PPP3CA: variants seen among roughly 807,000 people sequenced by gnomAD.
PPP3CA encodes CAM-PRP catalytic subunit.
PPP3CA carries 14 observed loss-of-function variants against 66.5 expected under a neutral mutation model. The ratio of observed to expected loss-of-function variants is 0.21; its 90% CI spans 0.14 to 0.33. The LOEUF (loss-of-function observed/expected upper bound fraction) is 0.33. Ranked by LOEUF, PPP3CA falls within the 10% of genes least tolerant of loss-of-function variation. The pLI, the probability that PPP3CA is intolerant of heterozygous loss-of-function variation, is 1.00. For missense variants in PPP3CA, 317 were observed against 639.5 expected (o/e 0.50, Z 5.44); for synonymous variants, 232 against 226.2 (o/e 1.03, Z -0.23).
intron 8 of PPP3CA, among the ~76,000 whole-genome samples, chr4:101,072,795 G>T (rs1395583750): frequency 3.3e-5 from 5 of 151,588 alleles, no homozygotes; most frequent in African/African-American, 7.3e-5. Flanking sequence ...AATTAGCCAG[G>T]CGTGGTGGTG....
chr4:101,144,887 G>C (rs1472228222), intron 2 of PPP3CA, among the ~76,000 whole-genome samples: 1 of 152,100 alleles, frequency 6.6e-6, no homozygotes, highest in Non-Finnish European at 1.5e-5. Context: ...GCTTTAGGCA[G>C]TGCTTTTGTA....
chr4:101,038,016 C>A (rs924855352), intron 11 of PPP3CA, among the ~76,000 whole-genome samples: 1 of 152,232 alleles, frequency 6.6e-6, no homozygotes, highest in Non-Finnish European at 1.5e-5. Flanking sequence ...TAGCCTCTCT[C>A]AGATTCAATT....
chr4:101,255,180 TC>T (rs933375132), intron 1 of PPP3CA, among the ~76,000 whole-genome samples: 1 of 151,728 alleles, frequency 6.6e-6, no homozygotes, highest in Non-Finnish European at 1.5e-5. Flanking sequence ...AGAAAGCCTA[TC>T]CCTTGTGACT....
chr4:101,161,563 A>G (rs1723508616), intron 2 of PPP3CA, among the ~76,000 whole-genome samples: 4 of 152,156 alleles, frequency 2.6e-5, no homozygotes, highest in Admixed American at 2.6e-4. Flanking sequence ...TTAGCTCTAG[A>G]AGACTGGCAG....
At chr4:101,180,469 C>T (rs1724199646) in intron 2 of PPP3CA, among the ~76,000 whole-genome samples, 1 of 152,152 alleles carries the variant, frequency 6.6e-6, no homozygotes, top group Non-Finnish European at 1.5e-5. Context: ...TGTGAATCCA[C>T]ATTTAACCTA....
chr4:101,346,564 CGCGGGG>C (rs1200027871), intron 1 of PPP3CA, among the ~76,000 whole-genome samples, 169 bp downstream of exon 1: 1 of 151,422 alleles, frequency 6.6e-6, no homozygotes, highest in Non-Finnish European at 1.5e-5. Flanking sequence ...GGAAGGGCGC[CGCGGGG>C]GCGGGGGGTT....
chr4:101,155,534 G>A (rs1316950127), intron 2 of PPP3CA, among the ~76,000 whole-genome samples: 1 of 152,162 alleles, frequency 6.6e-6, no homozygotes, highest in Admixed American at 6.5e-5. Context: ...TGACTCAGAG[G>A]GTAGCTAGCC....
At chr4:101,274,906 T>G (rs1249517163) in intron 1 of PPP3CA, among the ~76,000 whole-genome samples, 2 of 152,154 alleles carry the variant, frequency 1.3e-5, no homozygotes, top group Non-Finnish European at 2.9e-5. Context: ...ATAAAACAAT[T>G]CATATGAGAT....
At chr4:101,029,055 C>T (rs2110202583) in intron 13 of PPP3CA, 111 bp downstream of exon 13, 2 of 1,000,602 alleles carry the variant, frequency 2.0e-6, no homozygotes, top group South Asian at 1.5e-5. Flanking sequence ...TGAGCCACAA[C>T]TGTTAGCTCA....
At chr4:101,172,360 T>C (rs1723912567) in intron 2 of PPP3CA, among the ~76,000 whole-genome samples, 1 of 152,164 alleles carries the variant, frequency 6.6e-6, no homozygotes, top group Non-Finnish European at 1.5e-5. Flanking sequence ...TATGTACCCA[T>C]CTTGCTTCTA....
At chr4:101,275,863 T>G (rs1485536514) in intron 1 of PPP3CA, among the ~76,000 whole-genome samples, 1 of 143,758 alleles carries the variant, frequency 7.0e-6, no homozygotes, top group Non-Finnish European at 1.5e-5. Context: ...TATGTGTGGT[T>G]TTTTTTTTGT....
chr4:101,188,509 G>T (rs1724485066), intron 2 of PPP3CA, among the ~76,000 whole-genome samples: 1 of 151,834 alleles, frequency 6.6e-6, no homozygotes, highest in Non-Finnish European at 1.5e-5. Context: ...AATACATTTT[G>T]CTATAAATAT....
intron 1 of PPP3CA, among the ~76,000 whole-genome samples, chr4:101,317,329 C>A (rs780140495): frequency 6.6e-6 from 1 of 151,296 alleles, no homozygotes; most frequent in African/African-American, 2.5e-5. Context: ...TAAAGTGATA[C>A]AATTTCTAAT....
intron 8 of PPP3CA, among the ~76,000 whole-genome samples, chr4:101,068,822 A>C (rs1331058199): frequency 2.0e-5 from 3 of 152,186 alleles, no homozygotes; most frequent in African/African-American, 7.2e-5. Context: ...TTGGTGAGCA[A>C]GGACTGTATT....
chr4:101,137,903 T>C (rs1722675183), intron 2 of PPP3CA, among the ~76,000 whole-genome samples: 1 of 150,894 alleles, frequency 6.6e-6, no homozygotes, highest in African/African-American at 2.4e-5. Flanking sequence ...AAAAAAACCT[T>C]CCACACACAT....
chr4:101,346,662 G>A, intron 1 of PPP3CA, 77 bp downstream of exon 1: 4 of 1,205,942 alleles, frequency 3.3e-6, no homozygotes, highest in East Asian at 4.9e-5. Flanking sequence ...GGGGAGGGGA[G>A]GAAAGGCGAG....
intron 10 of PPP3CA, among the ~76,000 whole-genome samples, chr4:101,047,127 C>G (rs1214919316): frequency 6.6e-6 from 1 of 152,060 alleles, no homozygotes; most frequent in Non-Finnish European, 1.5e-5. Context: ...CTCTTATATC[C>G]CAGCAAAGGG....
chr4:101,086,328 T>C (rs1259665490), intron 6 of PPP3CA, among the ~76,000 whole-genome samples: 3 of 151,914 alleles, frequency 2.0e-5, no homozygotes, highest in South Asian at 2.1e-4. Context: ...GCTGAGTGAA[T>C]AGGAACAAAG....
intron 5 of PPP3CA, among the ~76,000 whole-genome samples, chr4:101,096,371 TAAAG>T (rs1357211181): frequency 6.6e-6 from 1 of 152,178 alleles, no homozygotes; most frequent in Admixed American, 6.5e-5. Flanking sequence ...ACAAAAGTAT[TAAAG>T]AAACACTACA....
Sources: allele counts gnomAD v4.1 joint callset (sites outside exome capture counted in the v4.1 genomes callset), GRCh38; gene constraint gnomAD v4.1.1; transcripts MANE v1.5; gene names NCBI Gene and HGNC (gene_info 2026-07-23, HGNC 2026-07-21).